Variants in IGDCC4 observed in about 807,000 individuals in gnomAD.
The protein encoded by IGDCC4 is likely ortholog of mouse neighbor of Punc E11.
In IGDCC4, 72 loss-of-function variants were observed where a neutral mutation model predicts 116.6. The observed-to-expected ratio is 0.62, with a 90% CI of 0.51 to 0.75. The LOEUF (loss-of-function observed/expected upper bound fraction) is 0.75. Ranked by LOEUF, IGDCC4 falls within the 30% of genes least tolerant of loss-of-function variation. IGDCC4 has a pLI of 0.00. For synonymous variants in IGDCC4, 709 were observed against 719.9 expected, an observed-to-expected ratio of 0.98 and a Z score of 0.24; for missense variants, 1,501 against 1,662.4, an observed-to-expected ratio of 0.90 and a Z score of 1.69.
At chr15:65,396,285 T>G in intron 6 of IGDCC4, 122 bp from the exon 7 acceptor site, 1 of 1,000,740 alleles carries the variant, frequency 1.0e-6, no homozygotes, top group Non-Finnish European at 1.5e-6. Context: ...CACTTTAACC[T>G]CTCCCTGATT....
chr15:65,405,309 GT>G lies in IGDCC4; in HGVS notation c.564-2823del, dbSNP rs56300756. Among the ~76,000 whole-genome samples the G allele has an allele frequency of 3.2e-3, 457 of 142,368 alleles. 3 individuals carry two copies. Among genetic ancestry groups the G allele is most frequent in the Admixed American group, 0.016 (227 of 14,302 alleles). 93.4% of individuals were successfully genotyped at this position (142,368 alleles called of 152,430 possible). ...CTTATTTATTGTGCCTGTTAAGTGG[GT>G]TTTTTTTTTTTGCAATTAATATGTA... is the stretch of plus-strand genomic sequence containing the variant. On this transcript the variant is annotated intron_variant, in intron 3 of 19. Coordinates refer to ENST00000352385, the MANE Select transcript of IGDCC4 (RefSeq NM_020962.3).
chr15:65,385,798 A>G (rs1430277007), intron 18 of IGDCC4, 33 bp downstream of exon 18: 3 of 1,550,346 alleles, frequency 1.9e-6, no homozygotes, highest in East Asian at 2.2e-5. Flanking sequence ...TGTCCTATTT[A>G]GAAAAGAGCC....
chr15:65,405,339 GT>G (rs2063031538), intron 3 of IGDCC4, among the ~76,000 whole-genome samples: 1 of 149,302 alleles, frequency 6.7e-6, no homozygotes, highest in Non-Finnish European at 1.5e-5. Flanking sequence ...ATATGTATCA[GT>G]TAGGAAATAT....
Position 65,395,120 on chromosome 15 carries a change from G to A in IGDCC4, c.1550C>T (p.Pro517Leu), listed in dbSNP as rs774469730. 6.1e-5 allele frequency: 98 copies of A among 1,613,482 alleles called. No homozygotes were observed. Among genetic ancestry groups the A allele is most frequent in the Non-Finnish European group, 7.5e-5 (88 of 1,179,628 alleles). The change falls in exon 8 of 20, where the codon CCA becomes CTA. Residue 517 changes from proline to leucine, a missense_variant. Around this residue, in one of 3 missense-constraint regions of IGDCC4, gnomAD observed 898 missense variants for 978.9 expected, o/e 0.92. Coordinates refer to ENST00000352385, the MANE Select transcript of IGDCC4 (RefSeq NM_020962.3). Reference protein sequence around the residue: ...SQLGASRTSTPALVHTLDDVP... With the variant: ...SQLGASRTSTLALVHTLDDVP... Reference sequence around the variant, plus strand: ...ATCATCCAGTGTGTGCACCAGTGCTGGGGTGGAGGTGCGGCTGGCTCCCAG... The same window carrying A: ...ATCATCCAGTGTGTGCACCAGTGCTAGGGTGGAGGTGCGGCTGGCTCCCAG...
rs1229703646 is a variant in IGDCC4, at chr15:65,391,973, G to T, written c.2131C>A (p.Arg711=). The change falls in exon 12 of 20, where the codon CGG becomes AGG. Residue 711 remains arginine, a synonymous_variant. Transcript: ENST00000352385. The part of the protein sequence containing the change: ...QYELTQLVPG[R]LYEVKLVAFN... ...GCCACGAGCTTCACCTCGTACAGCC[G>T]GCCAGGGACTGGGGAAGGTTACAGG... is the stretch of plus-strand genomic sequence containing the variant. 1 of 1,609,882 alleles carries T rather than the reference G, an allele frequency of 6.2e-7. No individual in the cohort carries two copies. The highest frequency in any genetic ancestry group is 1.3e-5 in the African/African-American group (1 of 74,782).
At chr15:65,390,863 C>A (rs1190411221) in intron 12 of IGDCC4, among the ~76,000 whole-genome samples, 2 of 152,080 alleles carry the variant, frequency 1.3e-5, no homozygotes, top group African/African-American at 4.8e-5. Context: ...TGTTGTCCAC[C>A]ACTAAATTCC....
In IGDCC4 at chr15:65,384,514, A is replaced by G. The variant is rs1045340592; in HGVS notation, c.3343-95T>C. On this transcript the variant is annotated intron_variant, in intron 19 of 19. Coordinates refer to ENST00000352385, the MANE Select transcript of IGDCC4 (RefSeq NM_020962.3). This position sits in a 1 kb window ranked among gnomAD's most constrained non-coding sequence, Gnocchi z 4.9. ...CGTGGGGCAGAAAGTCTGACCCTCC[A>G]TCAGAGTAAGTATCACATGGGAGTC... 4 of 1,244,314 alleles carry G rather than the reference A, an allele frequency of 3.2e-6. No individual in the cohort carries two copies. Among genetic ancestry groups the G allele is most frequent in the East Asian group, 2.5e-5 (1 of 40,686 alleles). The allele number at this position is 1,244,314 out of a possible 1,614,324, so 77.1% of individuals were successfully genotyped here. A position where few individuals can be genotyped will look rare whatever the true frequency, so the allele number is the denominator to read the frequency against.
intron 5 of IGDCC4, among the ~76,000 whole-genome samples, chr15:65,398,884 T>C (rs771546341): frequency 3.3e-5 from 5 of 152,104 alleles, no homozygotes; most frequent in African/African-American, 9.7e-5. Context: ...AGCGAGACTC[T>C]GTCTCAAAAA....
At chr15:65,421,749 A>G (rs1354737940) in intron 1 of IGDCC4, among the ~76,000 whole-genome samples, 1 of 150,706 alleles carries the variant, frequency 6.6e-6, no homozygotes, top group Non-Finnish European at 1.5e-5. Flanking sequence ...GGGGAAGGCA[A>G]GAACTAGGCG....
chr15:65,407,254 A>G (rs2063048547), intron 3 of IGDCC4, among the ~76,000 whole-genome samples: 1 of 151,984 alleles, frequency 6.6e-6, no homozygotes, highest in African/African-American at 2.4e-5. Context: ...GTGAAAAAAA[A>G]ATTAAAATTG....
At position 65,385,121 on chromosome 15, in the gene IGDCC4, CG is replaced by C. The variant is rs778232694; in HGVS notation, c.3181-7del. On this transcript the variant is annotated splice_region_variant and splice_polypyrimidine_tract_variant and intron_variant, in intron 18 of 19. Transcript: ENST00000352385. ...CTTGGTTGAGCCCAGGAGATCTGCA[CG>C]GGGGAAAGAAGGGGACAGTAAGGGG... 2.5e-6 allele frequency: 4 copies of C among 1,580,564 alleles called. No homozygotes were observed. In the East Asian group the frequency reaches 9.2e-5, roughly 36 times the overall value.
chr15:65,390,393 T>C (rs1234067457), intron 12 of IGDCC4, 55 bp from the exon 13 acceptor site: 7 of 1,448,186 alleles, frequency 4.8e-6, no homozygotes, highest in African/African-American at 4.2e-5. Flanking sequence ...CATCCTTAAA[T>C]ATGTATAGTG....
chr15:65,416,136 CTTTTTTTTT>C (rs60072640), intron 1 of IGDCC4, among the ~76,000 whole-genome samples: 7 of 77,608 alleles, frequency 9.0e-5, no homozygotes, highest in African/African-American at 3.7e-4. Context: ...AATGTTTTGA[CTTTTTTTTT>C]TTTTTTTTTT....
intron 6 of IGDCC4, 59 bp downstream of exon 6, chr15:65,396,775 C>A: frequency 6.5e-7 from 1 of 1,535,434 alleles, no homozygotes; most frequent in South Asian, 1.2e-5. Context: ...CCACCTCCCC[C>A]TGCTCTATTC....
At chr15:65,399,717 G>C (rs1331791679) in intron 5 of IGDCC4, among the ~76,000 whole-genome samples, 1 of 152,076 alleles carries the variant, frequency 6.6e-6, no homozygotes, top group Non-Finnish European at 1.5e-5. Context: ...TATTTTATCA[G>C]CTCATTGGTG....
Position 65,393,366 on chromosome 15 carries a change from C to T in IGDCC4, c.1880G>A (p.Ser627Asn), listed in dbSNP as rs780211722. The change falls in exon 10 of 20, where the codon AGC (serine) becomes AAC (asparagine). Residue 627 changes from serine to asparagine, a missense_variant. By Grantham distance (46) the Ser-to-Asn change is conservative (BLOSUM62 1). This residue lies in a region of IGDCC4 where 898 missense variants were observed against 978.9 expected (regional missense o/e 0.92). Transcript: ENST00000352385. This position sits in a 1 kb window ranked among gnomAD's most constrained non-coding sequence, Gnocchi z 4.6. ...TCTCTCCTCTAACCCCGTACCATGGCTCTGGTTGTGCATACTGGGCGTCCT... is the reference window on the plus strand; with the variant it reads ...TCTCTCCTCTAACCCCGTACCATGGTTCTGGTTGTGCATACTGGGCGTCCT... ...HHRTPSMHNQ[S>N]HVPFAPAELK... is the part of the protein sequence containing the mutation. 1.9e-6 allele frequency: 3 copies of T among 1,610,146 alleles called. No individual in the cohort carries two copies. The South Asian group carries it at 3.3e-5, about 18-fold the overall frequency.
intron 1 of IGDCC4, among the ~76,000 whole-genome samples, chr15:65,417,755 C>G (rs972217303): frequency 3.3e-5 from 5 of 152,152 alleles, no homozygotes; most frequent in Non-Finnish European, 7.3e-5. Flanking sequence ...GCCACCATGC[C>G]TGGCTAGTTT....
intron 1 of IGDCC4, among the ~76,000 whole-genome samples, chr15:65,416,953 TGGC>T (rs1266501971): frequency 6.6e-6 from 1 of 152,026 alleles, no homozygotes; most frequent in Non-Finnish European, 1.5e-5. Flanking sequence ...AGTGGAGGCC[TGGC>T]GTGAGTTCCA....
intron 3 of IGDCC4, among the ~76,000 whole-genome samples, chr15:65,409,241 G>A (rs1322026044): frequency 2.6e-5 from 4 of 152,022 alleles, no homozygotes; most frequent in African/African-American, 9.7e-5. Flanking sequence ...CCTACACATG[G>A]GCAAAAGTCA....
Sources: allele counts gnomAD v4.1 joint callset (sites outside exome capture counted in the v4.1 genomes callset), GRCh38; gene constraint gnomAD v4.1.1; regional missense constraint gnomAD v4.1.1; non-coding constraint Gnocchi (gnomAD v3.1); transcripts MANE v1.5; gene names NCBI Gene and HGNC (gene_info 2026-07-23, HGNC 2026-07-21).